Variants in KIAA1217 observed in about 807,000 individuals in gnomAD.
KIAA1217 encodes the protein sickle tail protein homolog.
In KIAA1217, 88 loss-of-function variants were observed where a neutral mutation model predicts 163.9. The observed-to-expected ratio is 0.54, with a 90% CI of 0.45 to 0.64. The LOEUF (loss-of-function observed/expected upper bound fraction) is 0.64. KIAA1217 is among the 30% of genes least tolerant of loss of function. The pLI, the probability that KIAA1217 is intolerant of heterozygous loss-of-function variation, is 0.00. For missense variants in KIAA1217, 2,372 were observed against 2,475.0 expected, an observed-to-expected ratio of 0.96 and a Z score of 0.88; for synonymous variants, 903 against 923.1, an observed-to-expected ratio of 0.98 and a Z score of 0.39.
At chr10:24,388,022 A>G (rs2054266966) in intron 3 of KIAA1217, among the ~76,000 whole-genome samples, 1 of 152,210 alleles carries the variant, frequency 6.6e-6, no homozygotes. Context: ...TCAAGCTACC[A>G]ATGACTTTCT....
intron 6 of KIAA1217, among the ~76,000 whole-genome samples, chr10:24,483,899 A>T (rs1245164534): frequency 6.6e-6 from 1 of 152,016 alleles, no homozygotes; most frequent in East Asian, 1.9e-4. Context: ...GGCTCTAGGC[A>T]CCCAGCAGAG....
chr10:24,502,622 T>C (rs1470424774), intron 9 of KIAA1217, among the ~76,000 whole-genome samples: 5 of 152,184 alleles, frequency 3.3e-5, no homozygotes, highest in Admixed American at 1.3e-4. Flanking sequence ...GGTAGGTTGG[T>C]CGTTGAGGAT....
At chr10:23,812,530 A>G (rs1310903121) in intron 1 of KIAA1217, among the ~76,000 whole-genome samples, 1 of 152,192 alleles carries the variant, frequency 6.6e-6, no homozygotes, top group Non-Finnish European at 1.5e-5. Flanking sequence ...GAAATAGTAT[A>G]AAATTCACAT....
chr10:23,776,969 C>T (rs1835035301), intron 1 of KIAA1217, among the ~76,000 whole-genome samples: 1 of 151,788 alleles, frequency 6.6e-6, no homozygotes, highest in South Asian at 2.1e-4. Flanking sequence ...CAGGCATGAG[C>T]CACAGGGCCC....
chr10:24,065,042 A>G (rs976926658), intron 2 of KIAA1217, among the ~76,000 whole-genome samples: 24 of 151,590 alleles, frequency 1.6e-4, no homozygotes, highest in African/African-American at 5.6e-4. Flanking sequence ...TTTCTTCTTT[A>G]TTAGTCTGGC....
chr10:24,405,700 T>C (rs2057134605), intron 3 of KIAA1217, among the ~76,000 whole-genome samples: 1 of 152,216 alleles, frequency 6.6e-6, no homozygotes, highest in South Asian at 2.1e-4. Context: ...GTCTCTATTA[T>C]AATTCTGAAA....
At chr10:24,072,297 A>G (rs1272816700) in intron 2 of KIAA1217, among the ~76,000 whole-genome samples, 1 of 152,140 alleles carries the variant, frequency 6.6e-6, no homozygotes, top group African/African-American at 2.4e-5. Flanking sequence ...TAAAAGTGCT[A>G]GAGTTATAAG....
At chr10:23,716,759 C>T (rs1468471612) in intron 1 of KIAA1217, among the ~76,000 whole-genome samples, 1 of 152,046 alleles carries the variant, frequency 6.6e-6, no homozygotes, top group Non-Finnish European at 1.5e-5. Context: ...ATGCATGTAA[C>T]AACAAAAAAA....
intron 9 of KIAA1217, among the ~76,000 whole-genome samples, chr10:24,502,745 C>A (rs1488548494): frequency 1.3e-5 from 2 of 152,160 alleles, no homozygotes; most frequent in East Asian, 3.9e-4. Context: ...GTAATCCCAG[C>A]ACTTTGGGAG....
intron 1 of KIAA1217, among the ~76,000 whole-genome samples, chr10:23,729,200 T>A (rs1404985943): frequency 1.3e-5 from 2 of 152,248 alleles, no homozygotes; most frequent in Non-Finnish European, 2.9e-5. Context: ...ATCCACCTAC[T>A]GAAGGACATC....
At chr10:23,962,363 G>C (rs1844852711) in intron 1 of KIAA1217, among the ~76,000 whole-genome samples, 1 of 152,168 alleles carries the variant, frequency 6.6e-6, no homozygotes, top group Non-Finnish European at 1.5e-5. Context: ...TTAATCACTA[G>C]AACAGATATT....
chr10:24,248,231 C>T (rs1299450340), intron 2 of KIAA1217, among the ~76,000 whole-genome samples: 1 of 152,190 alleles, frequency 6.6e-6, no homozygotes, highest in Non-Finnish European at 1.5e-5. Context: ...TCTTTCTAAA[C>T]AAATGCTGTT....
At chr10:24,533,791 G>C (rs1462695416) in intron 16 of KIAA1217, among the ~76,000 whole-genome samples, 1 of 152,184 alleles carries the variant, frequency 6.6e-6, no homozygotes, top group Non-Finnish European at 1.5e-5. Flanking sequence ...TTTGAGAAAT[G>C]ATACTGTATC....
At chr10:24,299,257 A>C (rs2041002044) in intron 2 of KIAA1217, among the ~76,000 whole-genome samples, 1 of 152,168 alleles carries the variant, frequency 6.6e-6, no homozygotes, top group African/African-American at 2.4e-5. Context: ...TGAGCCTAAC[A>C]ACCAACTTAG....
At chr10:24,410,242 C>T (rs1044318021) in intron 3 of KIAA1217, among the ~76,000 whole-genome samples, 6 of 152,062 alleles carry the variant, frequency 3.9e-5, no homozygotes, top group East Asian at 3.9e-4. Context: ...GCAATCCGCC[C>T]GCCTTGGCCT....
Position 24,538,512 on chromosome 10 carries a change from G to A in KIAA1217, c.3534+1619G>A, listed in dbSNP as rs1022688229. 2.0e-4 allele frequency among the ~76,000 whole-genome samples: 28 copies of A among 142,030 alleles called. 1 individual carries two copies. Among genetic ancestry groups the A allele is most frequent in the Admixed American group, 7.1e-5 (1 of 14,140 alleles). The allele number at this position is 142,030 out of a possible 152,430, so 93.2% of individuals were successfully genotyped here. A position where few individuals can be genotyped will look rare whatever the true frequency, so the allele number is the denominator to read the frequency against. On this transcript the variant is annotated intron_variant, in intron 17 of 20. Coordinates refer to ENST00000376454, the MANE Select transcript of KIAA1217 (RefSeq NM_019590.5). ...GGGCAACATAGTGAGATGAAAGAAA[G>A]AGAGAGAGATATGGAGGGAGAGAGG...
chr10:24,410,109 G>A (rs1002648145), intron 3 of KIAA1217, among the ~76,000 whole-genome samples: 1 of 147,946 alleles, frequency 6.8e-6, no homozygotes, highest in African/African-American at 2.5e-5. Flanking sequence ...CGATTCTCCT[G>A]CCTCAGCCTC....
chr10:23,932,321 T>C (rs1446250673), intron 1 of KIAA1217, among the ~76,000 whole-genome samples: 2 of 152,196 alleles, frequency 1.3e-5, no homozygotes, highest in East Asian at 1.9e-4. Context: ...CTCTCGCTTA[T>C]TTAATACAAT....
intron 2 of KIAA1217, among the ~76,000 whole-genome samples, chr10:24,022,317 A>G (rs1311143338): frequency 6.6e-6 from 1 of 151,914 alleles, no homozygotes; most frequent in Non-Finnish European, 1.5e-5. Flanking sequence ...TCACTTCTCT[A>G]AAGAAGATAT....
Sources: allele counts gnomAD v4.1 joint callset (sites outside exome capture counted in the v4.1 genomes callset), GRCh38; gene constraint gnomAD v4.1.1; transcripts MANE v1.5; gene names NCBI Gene and HGNC (gene_info 2026-07-23, HGNC 2026-07-21).